The following MALRD1 variants were observed in gnomAD, a reference collection of about 807,000 sequenced individuals.
MALRD1 encodes MAM and LDL receptor class A domain containing 1.
In MALRD1, 247 loss-of-function variants were observed where a neutral mutation model predicts 242.1. That is an observed-to-expected ratio of 1.02 (90% CI 0.92 to 1.13). The LOEUF (loss-of-function observed/expected upper bound fraction) is 1.13, where lower values mean the gene tolerates loss of function less well. MALRD1 is among the 50% of genes most tolerant of loss of function. The pLI, the probability that MALRD1 is intolerant of heterozygous loss-of-function variation, is 0.00. For synonymous variants in MALRD1, 995 were observed against 866.6 expected (o/e 1.15, Z -2.60); for missense variants, 2,989 against 2,533.1 (o/e 1.18, Z -3.86).
intron 24 of MALRD1, among the ~76,000 whole-genome samples, chr10:19,342,540 T>G (rs140806021): frequency 6.6e-6 from 1 of 152,124 alleles, no homozygotes; most frequent in Non-Finnish European, 1.5e-5. Flanking sequence ...CAAGTACTTT[T>G]GGAGGGGCTA....
intron 21 of MALRD1, among the ~76,000 whole-genome samples, chr10:19,316,689 G>T (rs1842720831): frequency 6.6e-6 from 1 of 151,730 alleles, no homozygotes; most frequent in South Asian, 2.1e-4. Context: ...GAGAAGTCTA[G>T]TGCTGTCACC....
chr10:19,488,124 C>T (rs1350816623), intron 29 of MALRD1, among the ~76,000 whole-genome samples: 1 of 152,104 alleles, frequency 6.6e-6, no homozygotes, highest in Non-Finnish European at 1.5e-5. Context: ...TAATATAAGT[C>T]ACTATGAATC....
At chr10:19,676,206 G>A (rs1842132429) in intron 36 of MALRD1, among the ~76,000 whole-genome samples, 1 of 152,172 alleles carries the variant, frequency 6.6e-6, no homozygotes, top group African/African-American at 2.4e-5. Flanking sequence ...ACCTCATAGG[G>A]ACAAGATTCT....
At chr10:19,086,403 G>C (rs1443339367) in intron 2 of MALRD1, among the ~76,000 whole-genome samples, 1 of 151,988 alleles carries the variant, frequency 6.6e-6, no homozygotes. Flanking sequence ...ACATGAAATA[G>C]AGTGGCAGAA....
chr10:19,652,938 C>A (rs901589528), intron 36 of MALRD1, among the ~76,000 whole-genome samples: 8 of 152,190 alleles, frequency 5.3e-5, no homozygotes, highest in African/African-American at 1.9e-4. Context: ...AAGTGCCAGA[C>A]ATTCATTTAG....
At chr10:19,655,480 A>G (rs945723332) in intron 36 of MALRD1, among the ~76,000 whole-genome samples, 1 of 147,998 alleles carries the variant, frequency 6.8e-6, no homozygotes, top group Non-Finnish European at 1.5e-5. Flanking sequence ...AGTTATATAC[A>G]TGTGTATGTG....
chr10:19,554,580 C>T (rs1385395197), intron 32 of MALRD1, among the ~76,000 whole-genome samples: 1 of 151,934 alleles, frequency 6.6e-6, no homozygotes, highest in African/African-American at 2.4e-5. Flanking sequence ...TGTGTGTTGT[C>T]CCATTCTTTG....
intron 4 of MALRD1, among the ~76,000 whole-genome samples, chr10:19,101,498 T>A (rs1454772014): frequency 7.3e-6 from 1 of 137,266 alleles, no homozygotes; most frequent in African/African-American, 2.7e-5. Flanking sequence ...ATAAAATATA[T>A]AGCATATGTA....
At chr10:19,321,940 A>G (rs567696490) in intron 21 of MALRD1, among the ~76,000 whole-genome samples, 1 of 152,294 alleles carries the variant, frequency 6.6e-6, no homozygotes. Flanking sequence ...TGAAAGACCA[A>G]TGAGGAGATT....
intron 33 of MALRD1, among the ~76,000 whole-genome samples, chr10:19,585,880 G>A (rs1276894959): frequency 2.6e-5 from 4 of 151,974 alleles, no homozygotes; most frequent in Non-Finnish European, 5.9e-5. Context: ...ACGTAGATTT[G>A]GTCTTTTCAC....
chr10:19,555,280 A>G (rs1488153355), intron 32 of MALRD1, among the ~76,000 whole-genome samples: 1 of 152,056 alleles, frequency 6.6e-6, no homozygotes, highest in Non-Finnish European at 1.5e-5. Context: ...CACCTTTAAC[A>G]TTGGGGATCA....
intron 11 of MALRD1, among the ~76,000 whole-genome samples, chr10:19,150,657 G>T (rs1278732164): frequency 6.6e-6 from 1 of 152,140 alleles, no homozygotes; most frequent in Non-Finnish European, 1.5e-5. Context: ...TCACTATCCT[G>T]TGATCTATCA....
At chr10:19,291,144 T>G in intron 21 of MALRD1, among the ~76,000 whole-genome samples, 1 of 152,296 alleles carries the variant, frequency 6.6e-6, no homozygotes, top group East Asian at 1.9e-4. Context: ...TAAATAATGT[T>G]TAATATTAAC....
At chr10:19,298,378 A>G (rs1187644801) in intron 21 of MALRD1, among the ~76,000 whole-genome samples, 1 of 152,066 alleles carries the variant, frequency 6.6e-6, no homozygotes, top group African/African-American at 2.4e-5. Flanking sequence ...CTGGAGATCA[A>G]ATTTCAACAT....
At chr10:19,623,409 A>C (rs1839494541) in intron 36 of MALRD1, among the ~76,000 whole-genome samples, 1 of 152,166 alleles carries the variant, frequency 6.6e-6, no homozygotes, top group Admixed American at 6.6e-5. Flanking sequence ...AACCAGAACC[A>C]ATAGGATATG....
At chr10:19,067,650 C>T (rs184293528) in intron 2 of MALRD1, among the ~76,000 whole-genome samples, 15 of 152,210 alleles carry the variant, frequency 9.9e-5, no homozygotes, top group African/African-American at 3.4e-4. Context: ...GCAGATTAGA[C>T]TCCCTGGTCT....
chr10:19,275,613 G>T (rs1840475569), intron 19 of MALRD1, among the ~76,000 whole-genome samples: 1 of 152,136 alleles, frequency 6.6e-6, no homozygotes, highest in Admixed American at 6.5e-5. Flanking sequence ...AGCTTGCAGT[G>T]AGTGGAGATC....
intron 25 of MALRD1, among the ~76,000 whole-genome samples, chr10:19,348,492 A>G (rs1844229173): frequency 6.6e-6 from 1 of 152,144 alleles, no homozygotes; most frequent in Admixed American, 6.5e-5. Context: ...AAACAAAACA[A>G]AAAGGACCCT....
At chr10:19,351,378 A>C (rs937894883) in intron 25 of MALRD1, among the ~76,000 whole-genome samples, 2 of 152,110 alleles carry the variant, frequency 1.3e-5, no homozygotes, top group Admixed American at 6.6e-5. Flanking sequence ...ATCCCTGAAA[A>C]TACTTTTTAT....
Sources: allele counts gnomAD v4.1 joint callset (sites outside exome capture counted in the v4.1 genomes callset), GRCh38; gene constraint gnomAD v4.1.1; transcripts MANE v1.5; gene names NCBI Gene and HGNC (gene_info 2026-07-23, HGNC 2026-07-21).